PRELID2: variants seen among roughly 807,000 people sequenced by gnomAD.
PRELID2 encodes PRELI domain-containing protein 2.
Under a neutral mutation model 28.4 loss-of-function variants are expected in PRELID2, and 25 were observed. That is an observed-to-expected ratio of 0.88 (90% confidence interval 0.64 to 1.23). The LOEUF is 1.23. Ranked by LOEUF, PRELID2 falls within the 50% of genes most tolerant of loss-of-function variation. The pLI, the probability that PRELID2 is intolerant of heterozygous loss-of-function variation, is 0.00. For synonymous variants in PRELID2, 76 were observed against 71.6 expected, an observed-to-expected ratio of 1.06 and a Z score of -0.31; for missense variants, 201 against 214.4, an observed-to-expected ratio of 0.94 and a Z score of 0.39.
intron 4 of PRELID2, among the ~76,000 whole-genome samples, chr5:145,801,177 A>T (rs1454267319): frequency 1.3e-5 from 2 of 152,224 alleles, no homozygotes; most frequent in Non-Finnish European, 2.9e-5. Flanking sequence ...TTGAGTAATA[A>T]GACCCTGAGT....
chr5:145,820,440 G>A (rs181048171), intron 2 of PRELID2, among the ~76,000 whole-genome samples: 257 of 152,194 alleles, frequency 1.7e-3, no homozygotes, highest in African/African-American at 5.6e-3. Context: ...TGGACTATCC[G>A]TGTCAGTACT....
At chr5:145,785,044 T>C (rs911838925) in intron 5 of PRELID2, among the ~76,000 whole-genome samples, 1 of 152,172 alleles carries the variant, frequency 6.6e-6, no homozygotes, top group Non-Finnish European at 1.5e-5. Context: ...CTAAAATGTT[T>C]GTATTTAAAA....
At chr5:145,399,759 C>T in the PRELID2 span, among the ~76,000 whole-genome samples, 1 of 152,112 alleles carries the variant, frequency 6.6e-6, no homozygotes, top group Admixed American at 6.6e-5. Flanking sequence ...TACAGTTGCA[C>T]ATGGCTGGTG....
chr5:145,410,471 A>T, the PRELID2 span, among the ~76,000 whole-genome samples: 1 of 152,146 alleles, frequency 6.6e-6, no homozygotes, highest in African/African-American at 2.4e-5. Flanking sequence ...TAATTTATTT[A>T]AAAAAACGTT....
At chr5:145,413,279 A>C in the PRELID2 span, among the ~76,000 whole-genome samples, 2 of 152,206 alleles carry the variant, frequency 1.3e-5, no homozygotes, top group Non-Finnish European at 2.9e-5. Flanking sequence ...CATAACCAAA[A>C]TGTGATGCCA....
At chr5:145,299,427 C>T in the PRELID2 span, among the ~76,000 whole-genome samples, 1 of 152,028 alleles carries the variant, frequency 6.6e-6, no homozygotes, top group South Asian at 2.1e-4. Flanking sequence ...TCATTATTTT[C>T]AGGGGAATTT....
the PRELID2 span, chr5:145,229,032 TG>T: frequency 6.2e-7 from 1 of 1,601,890 alleles, no homozygotes. Flanking sequence ...GGAGTTCATC[TG>T]GGCGGCCATC....
chr5:145,231,642 A>G, the PRELID2 span, among the ~76,000 whole-genome samples: 4 of 152,090 alleles, frequency 2.6e-5, no homozygotes, highest in African/African-American at 9.7e-5. Flanking sequence ...ATATGCTAAC[A>G]TTGGACAGTC....
At chr5:145,629,595 A>G (rs1753904104) in intron 1 of PRELID2, among the ~76,000 whole-genome samples, 1 of 152,210 alleles carries the variant, frequency 6.6e-6, no homozygotes, top group Admixed American at 6.5e-5. Flanking sequence ...TGGAGGCTTA[A>G]TATGTGCCAG....
At chr5:145,594,428 C>T (rs1753273874) in intron 1 of PRELID2, among the ~76,000 whole-genome samples, 1 of 151,964 alleles carries the variant, frequency 6.6e-6, no homozygotes. Context: ...AGAAATGTGG[C>T]TTACATCTTA....
chr5:145,374,385 C>T, the PRELID2 span, among the ~76,000 whole-genome samples: 1 of 152,130 alleles, frequency 6.6e-6, no homozygotes, highest in Non-Finnish European at 1.5e-5. Context: ...TGTAGGTGAC[C>T]TGGCCTTTCA....
intron 1 of PRELID2, among the ~76,000 whole-genome samples, chr5:145,672,328 G>A (rs1030046642): frequency 6.6e-6 from 1 of 152,084 alleles, no homozygotes; most frequent in African/African-American, 2.4e-5. Context: ...GATAGACCTA[G>A]GCTGTAATTT....
At chr5:145,622,685 TTTAG>T (rs1300182093) in intron 1 of PRELID2, among the ~76,000 whole-genome samples, 1 of 152,112 alleles carries the variant, frequency 6.6e-6, no homozygotes, top group African/African-American at 2.4e-5. Context: ...TTGAACTTTC[TTTAG>T]TTAAATAGAA....
chr5:145,544,940 A>G (rs1752773183), intron 1 of PRELID2, among the ~76,000 whole-genome samples: 1 of 152,136 alleles, frequency 6.6e-6, no homozygotes, highest in Non-Finnish European at 1.5e-5. Flanking sequence ...GTTGCATTCA[A>G]TTCCAGCACG....
intron 1 of PRELID2, among the ~76,000 whole-genome samples, chr5:145,594,190 A>T (rs1434264751): frequency 6.6e-6 from 1 of 152,156 alleles, no homozygotes; most frequent in African/African-American, 2.4e-5. Context: ...ATTTTTTCAT[A>T]ATAAAAGTTG....
At chr5:145,787,452 A>G (rs1561607657) in intron 5 of PRELID2, among the ~76,000 whole-genome samples, 1 of 152,152 alleles carries the variant, frequency 6.6e-6, no homozygotes, top group East Asian at 1.9e-4. Flanking sequence ...GAAGATGTCA[A>G]TTTGGAGGAG....
chr5:145,325,444 T>G, the PRELID2 span, among the ~76,000 whole-genome samples: 1 of 152,328 alleles, frequency 6.6e-6, no homozygotes, highest in South Asian at 2.1e-4. Flanking sequence ...ACAAGAGTTG[T>G]CTGAGAGGAC....
chr5:145,742,196 T>TTATATATAAATA (rs1453007386), intron 1 of PRELID2, among the ~76,000 whole-genome samples: 33 of 32,570 alleles, frequency 1.0e-3, no homozygotes, highest in Middle Eastern at 0.02. Context: ...ATATAAATAA[T>TTATATATAAATA]AATATATAAA....
chr5:145,282,064 C>T, the PRELID2 span, among the ~76,000 whole-genome samples: 1 of 152,084 alleles, frequency 6.6e-6, no homozygotes, highest in Non-Finnish European at 1.5e-5. Context: ...CTTTTTAATA[C>T]TGATACAAAA....
Sources: allele counts gnomAD v4.1 joint callset (sites outside exome capture counted in the v4.1 genomes callset), GRCh38; gene constraint gnomAD v4.1.1; transcripts MANE v1.5; gene names NCBI Gene and HGNC (gene_info 2026-07-23, HGNC 2026-07-21).